DGKH: variants seen among roughly 807,000 people sequenced by gnomAD.
The protein encoded by DGKH is diacylglycerol kinase eta.
DGKH carries 90 observed loss-of-function variants against 159.3 expected under a neutral mutation model. The ratio of observed to expected loss-of-function variants is 0.57; its 90% CI spans 0.48 to 0.67. The LOEUF is 0.67. Ranked by LOEUF, DGKH falls within the 30% of genes least tolerant of loss-of-function variation. The pLI, the probability that DGKH is intolerant of heterozygous loss-of-function variation, is 0.00. For missense variants in DGKH, 1,181 were observed against 1,506.1 expected, an observed-to-expected ratio of 0.78 and a Z score of 3.57; for synonymous variants, 536 against 553.8, an observed-to-expected ratio of 0.97 and a Z score of 0.45.
intron 16 of DGKH, among the ~76,000 whole-genome samples, chr13:42,193,280 T>C (rs1957127381): frequency 6.6e-6 from 1 of 152,224 alleles, no homozygotes; most frequent in African/African-American, 2.4e-5. Flanking sequence ...CACCTTGCCA[T>C]ACTCTTAAAC....
chr13:42,115,879 G>A lies in DGKH; in HGVS notation c.193-11584G>A, dbSNP rs115532112. ...GTGGGAAAAATTGATAGCATGGAGA[G>A]CACCTAGTAAACTATTGAGTCCAAG... On this transcript the variant is annotated intron_variant, in intron 1 of 29. Transcript: ENST00000337343. Among the ~76,000 whole-genome samples the A allele has an allele frequency of 2.3e-3, 352 of 152,250 alleles. 3 individuals carry two copies. The highest frequency in any genetic ancestry group is 8.2e-3 in the African/African-American group (341 of 41,548).
chr13:42,192,513 C>G, intron 16 of DGKH, among the ~76,000 whole-genome samples: 1 of 152,132 alleles, frequency 6.6e-6, no homozygotes, highest in Non-Finnish European at 1.5e-5. Context: ...AAAGAGGACT[C>G]TGACTCTGGA....
At chr13:42,100,460 G>A (rs952148294) in intron 1 of DGKH, among the ~76,000 whole-genome samples, 3 of 151,504 alleles carry the variant, frequency 2.0e-5, no homozygotes, top group Non-Finnish European at 4.4e-5. Flanking sequence ...CTCCACCCCC[G>A]ATCCATGGAA....
At chr13:42,117,736 T>C (rs1277178337) in intron 1 of DGKH, among the ~76,000 whole-genome samples, 1 of 152,208 alleles carries the variant, frequency 6.6e-6, no homozygotes. Flanking sequence ...GTAATAATTC[T>C]ATAGAAAAAA....
chr13:42,046,967 A>T (rs1880828912), upstream of DGKH, among the ~76,000 whole-genome samples: 1 of 152,222 alleles, frequency 6.6e-6, no homozygotes, highest in African/African-American at 2.4e-5. Flanking sequence ...TCCATGACCA[A>T]ACAGGTGGGA....
intron 1 of DGKH, among the ~76,000 whole-genome samples, chr13:42,092,895 G>C (rs1954447825): frequency 6.6e-6 from 1 of 152,022 alleles, no homozygotes; most frequent in Non-Finnish European, 1.5e-5. Flanking sequence ...CAATGCAAAA[G>C]TACAAAAAAA....
intron 1 of DGKH, among the ~76,000 whole-genome samples, chr13:42,091,378 C>T (rs911009619): frequency 1.1e-4 from 17 of 152,004 alleles, no homozygotes; most frequent in African/African-American, 1.7e-4. Flanking sequence ...AAAAGGTATC[C>T]TAAGAATGGG....
At chr13:42,172,353 C>A (rs1017431320) in intron 11 of DGKH, among the ~76,000 whole-genome samples, 31 of 152,070 alleles carry the variant, frequency 2.0e-4, no homozygotes, top group African/African-American at 6.3e-4. Context: ...CTCTTGACCT[C>A]GTGATCTGCC....
intron 1 of DGKH, among the ~76,000 whole-genome samples, chr13:42,068,392 G>A (rs1210361452): frequency 6.6e-6 from 1 of 152,144 alleles, no homozygotes; most frequent in Non-Finnish European, 1.5e-5. Context: ...ATAGAAGTGC[G>A]TTTTGTGAAG....
At chr13:42,130,206 A>G (rs1292853372) in intron 3 of DGKH, among the ~76,000 whole-genome samples, 1 of 152,216 alleles carries the variant, frequency 6.6e-6, no homozygotes, top group Non-Finnish European at 1.5e-5. Flanking sequence ...TCAGCATTCT[A>G]GTATTACCAG....
At chr13:42,132,538 C>T (rs1013985007) in intron 3 of DGKH, among the ~76,000 whole-genome samples, 2 of 152,214 alleles carry the variant, frequency 1.3e-5, no homozygotes, top group Non-Finnish European at 2.9e-5. Context: ...GGCCCTTCAG[C>T]TGGGCTTGTG....
intron 30 of DGKH, among the ~76,000 whole-genome samples, chr13:42,254,248 T>C (rs1958641463): frequency 1.3e-5 from 2 of 152,216 alleles, no homozygotes. Context: ...AGTGAAATAC[T>C]GAGAACAATC....
intron 7 of DGKH, 117 bp downstream of exon 7, chr13:42,160,253 C>G (rs10492444): frequency 0.15 from 202,570 of 1,354,792 alleles, 16,432 homozygotes; most frequent in South Asian, 0.17. Flanking sequence ...TGGTAGCATA[C>G]GCATCTCATG....
intron 6 of DGKH, among the ~76,000 whole-genome samples, chr13:42,159,733 A>G (rs903069533): frequency 6.6e-6 from 1 of 152,200 alleles, no homozygotes; most frequent in Non-Finnish European, 1.5e-5. Context: ...TGCACCATGC[A>G]TATGGATTTC....
At position 42,149,412 on chromosome 13, in the gene DGKH, A is replaced by AT. The variant is rs879294579; in HGVS notation, c.385-5879_385-5878insT. ...GTGGTTTAGAAGATGACAGGAACCT[A>AT]CTCCACTGAAATTAGTTTCACTTAT... is the stretch of plus-strand genomic sequence containing the variant. On this transcript the variant is annotated intron_variant, in intron 3 of 29. Coordinates refer to ENST00000337343, the MANE Select transcript of DGKH (RefSeq NM_178009.5). 6.5e-3 allele frequency among the ~76,000 whole-genome samples: 988 copies of AT among 152,176 alleles called. 10 individuals are homozygous for AT. The highest frequency in any genetic ancestry group is 0.015 in the South Asian group (72 of 4,820).
chr13:42,069,613 T>G, intron 1 of DGKH: 1 of 1,452,612 alleles, frequency 6.9e-7, no homozygotes, highest in East Asian at 2.3e-5. Flanking sequence ...CCTTTCACAT[T>G]TTGATTTTCT....
downstream of DGKH, among the ~76,000 whole-genome samples, chr13:42,246,636 T>C (rs1958582525): frequency 6.6e-6 from 1 of 152,070 alleles, no homozygotes; most frequent in African/African-American, 2.4e-5. Context: ...CACTACCCTT[T>C]CTTAGAGGAG....
chr13:42,186,743 A>G (rs1231865438), intron 13 of DGKH, among the ~76,000 whole-genome samples: 1 of 152,254 alleles, frequency 6.6e-6, no homozygotes, highest in Non-Finnish European at 1.5e-5. Flanking sequence ...AGAAAGCAAG[A>G]TGATGCTTTA....
intron 16 of DGKH, among the ~76,000 whole-genome samples, chr13:42,190,779 G>A (rs952201995): frequency 1.3e-5 from 2 of 152,090 alleles, no homozygotes; most frequent in Non-Finnish European, 2.9e-5. Context: ...AAGGATTATA[G>A]GACTAAGGAT....
Sources: allele counts gnomAD v4.1 joint callset (sites outside exome capture counted in the v4.1 genomes callset), GRCh38; gene constraint gnomAD v4.1.1; transcripts MANE v1.5; gene names NCBI Gene and HGNC (gene_info 2026-07-23, HGNC 2026-07-21).